WASHC3: variants seen among roughly 807,000 people sequenced by gnomAD.
The protein encoded by WASHC3 is WASH complex subunit 3.
A neutral mutation model predicts 26.1 loss-of-function variants in WASHC3; 24 were observed. The observed-to-expected ratio is 0.92, with a 90% CI of 0.66 to 1.29. The LOEUF is 1.29. Ranked by LOEUF, WASHC3 falls within the 50% of genes most tolerant of loss-of-function variation. WASHC3 has a pLI of 0.00. For missense variants in WASHC3, 214 were observed against 229.6 expected, an observed-to-expected ratio of 0.93 and a Z score of 0.44; for synonymous variants, 77 against 75.7, an observed-to-expected ratio of 1.02 and a Z score of -0.09.
intron 6 of WASHC3, among the ~76,000 whole-genome samples, chr12:102,016,425 G>A (rs926685233): frequency 1.3e-5 from 2 of 151,870 alleles, no homozygotes; most frequent in Non-Finnish European, 2.9e-5. Context: ...GGCTGGTCTC[G>A]AACTCCTGAC....
At position 102,039,863 on chromosome 12, in the gene WASHC3, C is replaced by T; in HGVS notation, c.435+5G>A. ...ACACAAAGAAGACAGACCAAGTTAG[C>T]TTACCACTTGAACCATTTTGAGATA... On this transcript the variant is annotated splice_donor_5th_base_variant and intron_variant, in intron 5 of 6. Coordinates refer to ENST00000240079, the MANE Select transcript of WASHC3 (RefSeq NM_016053.4). 1 of 1,418,762 alleles carries T rather than the reference C, an allele frequency of 7.0e-7. No homozygotes were observed. The highest frequency in any genetic ancestry group is 1.0e-6 in the Non-Finnish European group (1 of 1,002,956). The allele number at this position is 1,418,762 out of a possible 1,614,324, so 87.9% of individuals were successfully genotyped here. A position where few individuals can be genotyped will look rare whatever the true frequency, so the allele number is the denominator to read the frequency against.
At position 102,057,578 on chromosome 12, in the gene WASHC3, A is replaced by T. The variant is rs1463145064; in HGVS notation, c.150+3670T>A. 3.9e-5 allele frequency among the ~76,000 whole-genome samples: 6 copies of T among 152,172 alleles called. No individual in the cohort carries two copies. The East Asian group carries it at 1.2e-3, about 29-fold the overall frequency. On this transcript the variant is annotated intron_variant, in intron 2 of 6. Transcript: ENST00000240079. ...CAAACTACTTTGGTAAAGCTGCAGG[A>T]TATAAAATCAACATACAAAAATCAG...
chr12:102,020,983 G>A (rs1162620146), intron 6 of WASHC3, among the ~76,000 whole-genome samples: 8 of 152,200 alleles, frequency 5.3e-5, no homozygotes, highest in African/African-American at 1.9e-4. Flanking sequence ...TTGGGAGGCT[G>A]AGGCAGGAGA....
intron 3 of WASHC3, 50 bp from the exon 4 acceptor site, chr12:102,044,262 T>C: frequency 1.2e-6 from 1 of 861,038 alleles, no homozygotes; most frequent in South Asian, 1.7e-5. Context: ...CTTGCATAAA[T>C]AAACACTATT....
At position 102,025,048 on chromosome 12, in the gene WASHC3, C is replaced by T. The variant is rs553113611; in HGVS notation, c.500+926G>A. 5.9e-5 allele frequency among the ~76,000 whole-genome samples: 9 copies of T among 152,252 alleles called. No individual in the cohort carries two copies. In the South Asian group the frequency reaches 1.9e-3, roughly 32 times the overall value. ...AGACTTTAAAAGAATTCATAAATTTCATATTTTGGCAGATAAAATATGAGA... is the reference window on the plus strand; with the variant it reads ...AGACTTTAAAAGAATTCATAAATTTTATATTTTGGCAGATAAAATATGAGA... On this transcript the variant is annotated intron_variant, in intron 6 of 6. Coordinates refer to ENST00000240079, the MANE Select transcript of WASHC3 (RefSeq NM_016053.4).
At chr12:102,061,832 G>C (rs1361555587) in intron 1 of WASHC3, 80 bp downstream of exon 1, 1 of 1,270,930 alleles carries the variant, frequency 7.9e-7, no homozygotes, top group Non-Finnish European at 1.1e-6. Flanking sequence ...GGACTCGGAA[G>C]GTGGGTGTCT....
In WASHC3 at chr12:102,013,092, C is replaced by G. The variant is rs1247622368; in HGVS notation, c.*16G>C. On this transcript the variant is annotated 3_prime_UTR_variant, in exon 7 of 7. Transcript: ENST00000240079. ...TACCCCTATGCATGCATATGTAATT[C>G]TTATCAAAATTAAGCTTAATCACTA... 1 of 1,211,876 alleles carries G rather than the reference C, an allele frequency of 8.3e-7. No homozygotes were observed. The highest frequency in any genetic ancestry group is 2.0e-5 in the Admixed American group (1 of 49,556). 75.1% of individuals were successfully genotyped at this position (1,211,876 alleles called of 1,614,324 possible).
chr12:102,052,158 AC>A (rs993859500), intron 2 of WASHC3, among the ~76,000 whole-genome samples: 20 of 152,236 alleles, frequency 1.3e-4, no homozygotes, highest in Non-Finnish European at 2.2e-4. Context: ...TGGGTTTAGC[AC>A]AAAAGTAAGA....
chr12:102,032,174 TC>T (rs1205740605), intron 5 of WASHC3, among the ~76,000 whole-genome samples: 9 of 152,074 alleles, frequency 5.9e-5, no homozygotes, highest in Admixed American at 3.9e-4. Context: ...CAGGCCAACA[TC>T]CACCACTGGC....
intron 2 of WASHC3, among the ~76,000 whole-genome samples, chr12:102,057,521 A>T (rs1270221556): frequency 1.3e-5 from 2 of 152,126 alleles, no homozygotes; most frequent in Non-Finnish European, 2.9e-5. Context: ...AAAATCTTAT[A>T]AAAAATTCCA....
At chr12:102,050,121 T>C in intron 2 of WASHC3, 1 of 305,284 alleles carries the variant, frequency 3.3e-6, no homozygotes, top group Non-Finnish European at 6.5e-6. Context: ...AAGACCAGCT[T>C]GGGCAACATA....
chr12:102,046,420 C>T (rs1376355359), intron 2 of WASHC3, among the ~76,000 whole-genome samples: 1 of 152,058 alleles, frequency 6.6e-6, no homozygotes, highest in Non-Finnish European at 1.5e-5. Flanking sequence ...CTCAGCCTCC[C>T]GAGTGCTGGG....
intron 6 of WASHC3, among the ~76,000 whole-genome samples, chr12:102,021,260 A>C (rs1876944874): frequency 6.6e-6 from 1 of 152,230 alleles, no homozygotes; most frequent in South Asian, 2.1e-4. Context: ...TTGAATTCTC[A>C]TCAAGACAGG....
chr12:102,012,949 T>A lies in WASHC3; in HGVS notation c.*159A>T. 2.0e-6 allele frequency: 1 copy of A among 500,250 alleles called. No homozygotes were observed. Among genetic ancestry groups the A allele is most frequent in the Non-Finnish European group, 3.5e-6 (1 of 285,720 alleles). The allele number at this position is 500,250 out of a possible 1,614,324, so 31.0% of individuals were successfully genotyped here. On this transcript the variant is annotated 3_prime_UTR_variant, in exon 7 of 7. Transcript: ENST00000240079. The stretch of plus-strand genomic sequence containing the variant: ...TTTAGCAACAAGACATACTGGCAGG[T>A]TAAAACTGCTTTATTATTATTTTTT...
chr12:102,043,186 G>A (rs1271332806), intron 4 of WASHC3, among the ~76,000 whole-genome samples: 2 of 152,216 alleles, frequency 1.3e-5, no homozygotes. Context: ...CTAACAAGCT[G>A]CCAGGTGATG....
chr12:102,043,130 T>C (rs369411024), intron 4 of WASHC3, among the ~76,000 whole-genome samples: 1 of 152,170 alleles, frequency 6.6e-6, no homozygotes, highest in East Asian at 1.9e-4. Flanking sequence ...TGTTAAAATG[T>C]AGATTCTCAT....
intron 2 of WASHC3, among the ~76,000 whole-genome samples, chr12:102,055,475 A>G (rs184142160): frequency 6.6e-6 from 1 of 152,300 alleles, no homozygotes; most frequent in East Asian, 1.9e-4. Context: ...CCTCCCAAGT[A>G]GGTGGGAATA....
At chr12:102,055,122 T>G (rs1016619871) in intron 2 of WASHC3, among the ~76,000 whole-genome samples, 5 of 152,066 alleles carry the variant, frequency 3.3e-5, no homozygotes, top group African/African-American at 1.2e-4. Context: ...AAGAGCTGGA[T>G]TTTTGAAAAG....
chr12:102,048,983 G>A (rs1410277696), intron 2 of WASHC3, among the ~76,000 whole-genome samples: 1 of 152,184 alleles, frequency 6.6e-6, no homozygotes, highest in Non-Finnish European at 1.5e-5. Flanking sequence ...TTTTTAAAGA[G>A]CCATTGTCAG....
Sources: gnomAD v4.1 joint callset for allele counts (sites outside exome capture counted in the v4.1 genomes callset) on GRCh38, gnomAD v4.1.1 for gene constraint, MANE v1.5 for transcripts, NCBI Gene and HGNC (gene_info 2026-07-23, HGNC 2026-07-21) for gene names.